Variants in CSMD1 observed in about 807,000 individuals in gnomAD.
CSMD1 encodes the protein CUB and sushi domain-containing protein 1.
A neutral mutation model predicts 417.5 loss-of-function variants in CSMD1; 213 were observed. The ratio of observed to expected loss-of-function variants is 0.51; its 90% CI spans 0.46 to 0.57. The LOEUF (loss-of-function observed/expected upper bound fraction) is 0.57, where lower values mean the gene tolerates loss of function less well. CSMD1 is among the 20% of genes least tolerant of loss of function. CSMD1 has a pLI of 0.00. For missense variants in CSMD1, 6,923 were observed against 4,529.7 expected (o/e 1.53, Z -15.17); for synonymous variants, 2,862 against 1,736.8 (o/e 1.65, Z -16.11).
intron 1 of CSMD1, among the ~76,000 whole-genome samples, chr8:4,824,402 T>C (rs1328671601): frequency 1.3e-5 from 2 of 152,128 alleles, no homozygotes; most frequent in Non-Finnish European, 2.9e-5. Context: ...ATTAAGTCCC[T>C]GAGACCTCTA....
intron 10 of CSMD1, among the ~76,000 whole-genome samples, chr8:3,499,108 A>ATG (rs1168280718): frequency 6.6e-6 from 1 of 152,188 alleles, no homozygotes; most frequent in African/African-American, 2.4e-5. Context: ...CATCTGACAA[A>ATG]ACAATTTCTC....
At chr8:3,006,982 G>A (rs1397891358) in intron 52 of CSMD1, among the ~76,000 whole-genome samples, 9,871 of 126,476 alleles carry the variant, frequency 0.078, 1,305 homozygotes, top group African/African-American at 0.28. Context: ...CAGAGTGAAC[G>A]GGCAACCTAC....
intron 1 of CSMD1, among the ~76,000 whole-genome samples, chr8:4,878,368 G>C (rs919582081): frequency 2.0e-5 from 3 of 152,042 alleles, no homozygotes; most frequent in Non-Finnish European, 4.4e-5. Flanking sequence ...TTTGATGGAA[G>C]CCTAAACTAT....
At chr8:4,305,429 G>A (rs186294497) in intron 3 of CSMD1, among the ~76,000 whole-genome samples, 1 of 152,112 alleles carries the variant, frequency 6.6e-6, no homozygotes, top group Non-Finnish European at 1.5e-5. Flanking sequence ...AGGGATAATC[G>A]ACTAAAAGTA....
At chr8:4,112,911 T>C (rs1286827321) in intron 3 of CSMD1, among the ~76,000 whole-genome samples, 2 of 152,208 alleles carry the variant, frequency 1.3e-5, no homozygotes, top group Non-Finnish European at 2.9e-5. Flanking sequence ...ATTGGAGCCA[T>C]TTCTCCAACA....
In CSMD1 at chr8:3,420,842, C is replaced by T. The variant is rs75749522; in HGVS notation, c.1562-11237G>A. The stretch of plus-strand genomic sequence containing the variant: ...AACACATAAAGATGGTACTTGTTCA[C>T]GCTCCAATATATTAAAAATAATAAG... On this transcript the variant is annotated intron_variant, in intron 12 of 69. Transcript: ENST00000635120. Among the ~76,000 whole-genome samples the T allele has an allele frequency of 1.1e-3, 167 of 152,236 alleles. 2 individuals are homozygous for T. In the East Asian group the frequency reaches 0.027, roughly 25 times the overall value.
intron 2 of CSMD1, among the ~76,000 whole-genome samples, chr8:4,464,237 C>T (rs1296527153): frequency 6.6e-6 from 1 of 152,114 alleles, no homozygotes; most frequent in East Asian, 1.9e-4. Context: ...CTTAACATTC[C>T]CACATTAACA....
At chr8:3,563,346 T>C (rs1424445489) in intron 10 of CSMD1, among the ~76,000 whole-genome samples, 3 of 149,024 alleles carry the variant, frequency 2.0e-5, no homozygotes, top group East Asian at 4.0e-4. Context: ...TTGTTACTCA[T>C]ATCATTACTA....
At chr8:3,695,599 G>T (rs575180913) in intron 7 of CSMD1, among the ~76,000 whole-genome samples, 1 of 152,052 alleles carries the variant, frequency 6.6e-6, no homozygotes, top group Non-Finnish European at 1.5e-5. Context: ...TAGTACTAGA[G>T]GAAAATGTTC....
rs1563095428 is a variant in CSMD1 at position 3,157,964 on chromosome 8, G to C, written c.5847C>G (p.Gly1949=). The change falls in exon 39 of 70, where the codon GGC becomes GGG. Residue 1949 remains glycine, a splice_region_variant and synonymous_variant. Transcript: ENST00000635120. ...FQCEPGYTLQ[G]RSHISCMPGT... ...CTGGCATACAGGAAATGTGGGAACG[G>C]CCCTGTTTAAAAGAAAACAAAAGAA... 1.5e-5 allele frequency: 24 copies of C among 1,552,968 alleles called. No homozygotes were observed. The highest frequency in any genetic ancestry group is 1.9e-5 in the Non-Finnish European group (22 of 1,147,624).
At chr8:3,162,918 T>C (rs1029950308) in intron 37 of CSMD1, among the ~76,000 whole-genome samples, 3 of 152,184 alleles carry the variant, frequency 2.0e-5, no homozygotes, top group Non-Finnish European at 4.4e-5. Flanking sequence ...AGGCATCATA[T>C]AATACTGGAA....
At chr8:3,936,889 A>G (rs1810535520) in intron 5 of CSMD1, among the ~76,000 whole-genome samples, 1 of 152,204 alleles carries the variant, frequency 6.6e-6, no homozygotes, top group South Asian at 2.1e-4. Flanking sequence ...CCCTTTGGAA[A>G]GAATTCCCCA....
At chr8:2,997,070 C>A (rs545267150) in intron 54 of CSMD1, among the ~76,000 whole-genome samples, 1 of 152,318 alleles carries the variant, frequency 6.6e-6, no homozygotes, top group East Asian at 1.9e-4. Flanking sequence ...GGCTTCACCC[C>A]CTCACTCTGG....
At chr8:3,214,455 A>C (rs780407697) in intron 30 of CSMD1, 42 bp downstream of exon 30, 7 of 1,454,012 alleles carry the variant, frequency 4.8e-6, no homozygotes, top group Non-Finnish European at 6.4e-6. Flanking sequence ...TGCATTTTAA[A>C]GGAAAGTTGT....
chr8:3,302,910 T>C (rs545758688), intron 25 of CSMD1, among the ~76,000 whole-genome samples: 1 of 152,284 alleles, frequency 6.6e-6, no homozygotes, highest in East Asian at 1.9e-4. Flanking sequence ...CAGGTTTCTT[T>C]CCTCTGACTC....
chr8:3,754,930 T>G (rs1313382465), intron 5 of CSMD1, among the ~76,000 whole-genome samples: 1 of 151,444 alleles, frequency 6.6e-6, no homozygotes, highest in African/African-American at 2.4e-5. Context: ...CAAAAGAGAT[T>G]TGAAATGGAA....
rs188605106 is a variant in CSMD1, at chr8:4,906,781, A to C, written c.85+87551T>G. 1.4e-3 allele frequency among the ~76,000 whole-genome samples: 214 copies of C among 152,282 alleles called. 1 individual carries two copies. The highest frequency in any genetic ancestry group is 2.3e-3 in the Non-Finnish European group (157 of 68,004). On this transcript the variant is annotated intron_variant, in intron 1 of 69. Coordinates refer to ENST00000635120, the MANE Select transcript of CSMD1 (RefSeq NM_033225.6). ...CACCATGCTGGCCAGGTTGGTCTCC[A>C]ACTCTTGACCTCGTGATCTGCCTGC...
rs545640139 is a variant in CSMD1, at chr8:4,111,142, A to C, written c.416-79043T>G. Among the ~76,000 whole-genome samples, 5 of 152,160 alleles carry C rather than the reference A, an allele frequency of 3.3e-5. No homozygotes were observed. In the East Asian group the frequency reaches 7.7e-4, roughly 24 times the overall value. The stretch of plus-strand genomic sequence containing the variant: ...TGTTTTGCTCTGGTTTGGTTCGTAC[A>C]CTCTAATGATTTCGGACAGAAAAGT... On this transcript the variant is annotated intron_variant, in intron 3 of 69. Transcript: ENST00000635120.
At chr8:3,732,228 C>T (rs757211159) in intron 6 of CSMD1, among the ~76,000 whole-genome samples, 1 of 152,150 alleles carries the variant, frequency 6.6e-6, no homozygotes, top group Non-Finnish European at 1.5e-5. Flanking sequence ...AGCAGTTTCG[C>T]CCGAGGCCAC....
Sources: allele counts gnomAD v4.1 joint callset (sites outside exome capture counted in the v4.1 genomes callset), GRCh38; gene constraint gnomAD v4.1.1; transcripts MANE v1.5; gene names NCBI Gene and HGNC (gene_info 2026-07-23, HGNC 2026-07-21).